LTBP1: variants seen among roughly 807,000 people sequenced by gnomAD.
LTBP1 encodes latent transforming growth factor beta binding protein 1.
LTBP1 carries 129 observed loss-of-function variants against 207.6 expected under a neutral mutation model. The ratio of observed to expected loss-of-function variants is 0.62; its 90% CI spans 0.54 to 0.72. The LOEUF (loss-of-function observed/expected upper bound fraction) is 0.72, where lower values mean the gene tolerates loss of function less well. Among genes scored for constraint, LTBP1 ranks in the 30% least tolerant of loss-of-function variants. The pLI is 0.00. For synonymous variants in LTBP1, 963 were observed against 833.7 expected (o/e 1.16, Z -2.67); for missense variants, 2,281 against 2,217.2 (o/e 1.03, Z -0.58).
At chr2:33,055,047 C>A (rs974228179) in intron 3 of LTBP1, among the ~76,000 whole-genome samples, 2 of 152,180 alleles carry the variant, frequency 1.3e-5, no homozygotes, top group African/African-American at 4.8e-5. Context: ...CTCTGAACCA[C>A]CAAGGTTTGT....
chr2:33,380,147 T>C (rs1171228447), intron 31 of LTBP1, among the ~76,000 whole-genome samples: 1 of 152,322 alleles, frequency 6.6e-6, no homozygotes, highest in East Asian at 1.9e-4. Context: ...TACATGTTTG[T>C]CATCATTCTG....
chr2:33,376,839 T>G (rs2095145992), intron 31 of LTBP1, among the ~76,000 whole-genome samples: 1 of 151,756 alleles, frequency 6.6e-6, no homozygotes, highest in Non-Finnish European at 1.5e-5. Flanking sequence ...GGGGAAGAGG[T>G]ACTGGATTTG....
intron 2 of LTBP1, among the ~76,000 whole-genome samples, chr2:32,949,653 C>T (rs745413336): frequency 1.3e-5 from 2 of 152,178 alleles, no homozygotes; most frequent in Non-Finnish European, 1.5e-5. Context: ...TTGATGCTAT[C>T]GGGTGCTCAT....
chr2:33,007,987 C>T (rs1390306330), intron 2 of LTBP1, among the ~76,000 whole-genome samples: 3 of 151,962 alleles, frequency 2.0e-5, no homozygotes, highest in African/African-American at 7.3e-5. Context: ...CTGGCTTTAG[C>T]CACTATATGA....
intron 31 of LTBP1, among the ~76,000 whole-genome samples, chr2:33,367,943 G>T (rs1045704474): frequency 6.6e-6 from 1 of 152,142 alleles, no homozygotes; most frequent in African/African-American, 2.4e-5. Context: ...GGCCGTGCGC[G>T]GTGGCTCATG....
At chr2:33,192,386 G>A (rs528289806) in intron 7 of LTBP1, among the ~76,000 whole-genome samples, 1 of 152,160 alleles carries the variant, frequency 6.6e-6, no homozygotes, top group Non-Finnish European at 1.5e-5. Context: ...TATCTAACCT[G>A]AATCTAATCA....
chr2:33,288,076 A>T (rs927765393), intron 19 of LTBP1, among the ~76,000 whole-genome samples: 1 of 152,210 alleles, frequency 6.6e-6, no homozygotes, highest in Admixed American at 6.5e-5. Context: ...CCCTATCTCA[A>T]GTGGTACTCA....
intron 15 of LTBP1, among the ~76,000 whole-genome samples, chr2:33,270,383 A>G (rs1216899969): frequency 3.3e-5 from 5 of 151,992 alleles, no homozygotes; most frequent in African/African-American, 1.2e-4. Context: ...AGGTCAAGAG[A>G]TGGAGACCAT....
intron 3 of LTBP1, among the ~76,000 whole-genome samples, chr2:33,109,823 C>A (rs1430400369): frequency 6.6e-6 from 1 of 152,108 alleles, no homozygotes; most frequent in African/African-American, 2.4e-5. Flanking sequence ...CCACTTTTTT[C>A]TCAGCTCAGT....
At chr2:33,245,997 T>C (rs73927053) in intron 10 of LTBP1, among the ~76,000 whole-genome samples, 34 of 152,350 alleles carry the variant, frequency 2.2e-4, no homozygotes, top group Admixed American at 1.0e-3. Context: ...TTGAAACACT[T>C]GCACATTTCC....
At chr2:33,079,188 G>T (rs1308405356) in intron 3 of LTBP1, among the ~76,000 whole-genome samples, 1 of 152,046 alleles carries the variant, frequency 6.6e-6, no homozygotes, top group African/African-American at 2.4e-5. Flanking sequence ...TTTGCATCAG[G>T]CACAGGAGAT....
chr2:33,388,462 T>G (rs1405218144), intron 31 of LTBP1, among the ~76,000 whole-genome samples: 1 of 152,204 alleles, frequency 6.6e-6, no homozygotes, highest in African/African-American at 2.4e-5. Context: ...TCTCTGTGCT[T>G]TTGTTTCCTC....
chr2:33,146,676 C>T (rs186303226), intron 5 of LTBP1, among the ~76,000 whole-genome samples: 1 of 152,274 alleles, frequency 6.6e-6, no homozygotes, highest in Non-Finnish European at 1.5e-5. Context: ...AGGAAGCTTA[C>T]AATCATGGTG....
At position 33,259,652 on chromosome 2, in the gene LTBP1, C is replaced by G. The variant is rs763757954; in HGVS notation, c.2418+42C>G. ...TTGCAAGTCTTTTTTTTTCAACGCTCAAAGTGATTTTCTATTAGAATATGT... is the reference window on the plus strand; with the variant it reads ...TTGCAAGTCTTTTTTTTTCAACGCTGAAAGTGATTTTCTATTAGAATATGT... On this transcript the variant is annotated intron_variant, in intron 13 of 33. Transcript: ENST00000404816. 13 of 1,572,922 alleles carry G rather than the reference C, an allele frequency of 8.3e-6. 1 individual carries two copies. The highest frequency in any genetic ancestry group is 1.7e-6 in the Non-Finnish European group (2 of 1,156,846).
chr2:33,031,274 G>C (rs2075679689), intron 3 of LTBP1, among the ~76,000 whole-genome samples: 1 of 152,090 alleles, frequency 6.6e-6, no homozygotes, highest in East Asian at 1.9e-4. Flanking sequence ...ATATACTACT[G>C]AACCATCTAT....
chr2:33,221,525 T>A (rs2091103876), intron 8 of LTBP1, among the ~76,000 whole-genome samples: 1 of 152,204 alleles, frequency 6.6e-6, no homozygotes, highest in Admixed American at 6.5e-5. Flanking sequence ...ATTTCCTGAC[T>A]TCCTCTCATC....
intron 4 of LTBP1, among the ~76,000 whole-genome samples, chr2:33,126,486 C>T (rs1268389522): frequency 1.3e-5 from 2 of 152,190 alleles, no homozygotes; most frequent in African/African-American, 4.8e-5. Flanking sequence ...AAAACCATCA[C>T]AGTGTTCAAC....
chr2:33,137,441 T>A (rs1460008908), intron 5 of LTBP1, among the ~76,000 whole-genome samples: 1 of 152,198 alleles, frequency 6.6e-6, no homozygotes, highest in Non-Finnish European at 1.5e-5. Flanking sequence ...AAAATATGTT[T>A]TAGACTTTGT....
chr2:32,947,503 C>T lies in LTBP1; in HGVS notation c.179C>T (p.Ala60Val). 7.0e-7 allele frequency: 1 copy of T among 1,429,000 alleles called. No homozygotes were observed. The highest frequency in any genetic ancestry group is 9.1e-7 in the Non-Finnish European group (1 of 1,093,382). 88.5% of individuals were successfully genotyped at this position (1,429,000 alleles called of 1,614,324 possible). The change falls in exon 1 of 34, where the codon GCC becomes GTC. Residue 60 changes from alanine (A) to valine (V), a missense_variant. By Grantham distance (64) the Ala-to-Val change is moderately conservative. This residue lies in a region of LTBP1 where 555 missense variants were observed against 491.0 expected (regional missense o/e 1.13). Coordinates refer to ENST00000404816, the MANE Select transcript of LTBP1 (RefSeq NM_206943.4). ...CGGACATTCAACGTCGCGCTCAACG[C>T]CAGGTACAGCCGCAGCTCGGCGGCT... ...RSRTFNVALN[A>V]RYSRSSAAAG...
Sources: gnomAD v4.1 joint callset for allele counts (sites outside exome capture counted in the v4.1 genomes callset) on GRCh38, gnomAD v4.1.1 for gene constraint, gnomAD v4.1.1 regional missense constraint, MANE v1.5 for transcripts, NCBI Gene and HGNC (gene_info 2026-07-23, HGNC 2026-07-21) for gene names.